CCDC73: variants seen among roughly 807,000 people sequenced by gnomAD.
CCDC73 encodes the protein coiled-coil domain containing 73.
Under a neutral mutation model 116.5 loss-of-function variants are expected in CCDC73, and 95 were observed. The ratio of observed to expected loss-of-function variants is 0.82; its 90% confidence interval spans 0.69 to 0.97. The LOEUF is 0.97. Among genes scored for constraint, CCDC73 ranks in the 50% least tolerant of loss-of-function variants. The pLI, the probability that CCDC73 is intolerant of heterozygous loss-of-function variation, is 0.00. For missense variants in CCDC73, 1,066 were observed against 1,206.8 expected (o/e 0.88, Z 1.73); for synonymous variants, 398 against 401.3 (o/e 0.99, Z 0.10).
chr11:32,816,257 A>C, the CCDC73 span, among the ~76,000 whole-genome samples: 1 of 152,212 alleles, frequency 6.6e-6, no homozygotes, highest in South Asian at 2.1e-4. Context: ...AGTTGTCAGC[A>C]CATTAGTCAT....
chr11:32,817,012 T>C, the CCDC73 span, among the ~76,000 whole-genome samples: 3 of 152,320 alleles, frequency 2.0e-5, no homozygotes, highest in South Asian at 6.2e-4. Context: ...CTCAAACTCC[T>C]GACCTCAAGT....
intron 1 of CCDC73, among the ~76,000 whole-genome samples, chr11:32,772,229 T>C (rs1363611995): frequency 6.6e-6 from 1 of 152,230 alleles, no homozygotes. Context: ...GTCTCTTTTC[T>C]CCAAGTTCCT....
intron 15 of CCDC73, among the ~76,000 whole-genome samples, chr11:32,615,605 C>T (rs1855466622): frequency 6.6e-6 from 1 of 152,152 alleles, no homozygotes; most frequent in Admixed American, 6.6e-5. Context: ...ATTCTCTCTA[C>T]AACATCTCCA....
intron 1 of CCDC73, among the ~76,000 whole-genome samples, chr11:32,790,777 A>C (rs1407404512): frequency 6.6e-6 from 1 of 152,148 alleles, no homozygotes; most frequent in Non-Finnish European, 1.5e-5. Context: ...TTATCTCCGT[A>C]AAGATCATTA....
chr11:32,719,102 A>G (rs2133333270), intron 2 of CCDC73, among the ~76,000 whole-genome samples: 1 of 152,316 alleles, frequency 6.6e-6, no homozygotes, highest in South Asian at 2.1e-4. Context: ...CAAAGAAAAG[A>G]CCCAAAGACA....
chr11:32,737,414 A>T (rs909394081), intron 2 of CCDC73, among the ~76,000 whole-genome samples: 2 of 152,090 alleles, frequency 1.3e-5, no homozygotes, highest in Non-Finnish European at 2.9e-5. Flanking sequence ...CCAGGTCAAG[A>T]CCAGCCTGGC....
chr11:32,605,247 T>C (rs1313389687), intron 17 of CCDC73: 1 of 151,720 alleles, frequency 6.6e-6, no homozygotes, highest in Non-Finnish European at 1.5e-5. Context: ...TGGATTGCTC[T>C]GTTTGGCTCC....
At chr11:32,740,391 G>C (rs1484035778) in intron 2 of CCDC73, among the ~76,000 whole-genome samples, 1 of 151,928 alleles carries the variant, frequency 6.6e-6, no homozygotes, top group Non-Finnish European at 1.5e-5. Context: ...GGTCTCTTCA[G>C]GTTTTGGATT....
At position 32,743,812 on chromosome 11, in the gene CCDC73, G is replaced by T. The variant is rs888221539; in HGVS notation, c.135+16297C>A. Among the ~76,000 whole-genome samples the T allele has an allele frequency of 2.6e-5, 4 of 152,304 alleles. No individual in the cohort carries two copies. In the East Asian group the frequency reaches 7.7e-4, roughly 29 times the overall value. On this transcript the variant is annotated intron_variant, in intron 2 of 17. Transcript: ENST00000335185. Reference sequence around the variant, plus strand: ...TCAGCTTAAGGAGATTTGGGGCTGAGATGATGGGGTTTTCTAAATATACAA... The same window carrying T: ...TCAGCTTAAGGAGATTTGGGGCTGATATGATGGGGTTTTCTAAATATACAA...
chr11:32,675,073 G>C (rs926407582), intron 9 of CCDC73, among the ~76,000 whole-genome samples: 1 of 152,036 alleles, frequency 6.6e-6, no homozygotes, highest in Non-Finnish European at 1.5e-5. Flanking sequence ...AAAGTCACCT[G>C]TGATGTCATC....
chr11:32,681,183 C>G (rs1856139488), intron 7 of CCDC73: 1 of 151,822 alleles, frequency 6.6e-6, no homozygotes. Context: ...AAGAGAAAAA[C>G]AATACGACAA....
intron 9 of CCDC73, among the ~76,000 whole-genome samples, chr11:32,670,521 CAA>C (rs11334231): frequency 0.056 from 7,735 of 138,546 alleles, 183 homozygotes; most frequent in Middle Eastern, 0.067. Context: ...GGCTCTGTCT[CAA>C]AAAAAAAAAA....
chr11:32,827,034 T>G, the CCDC73 span, among the ~76,000 whole-genome samples: 1 of 152,022 alleles, frequency 6.6e-6, no homozygotes, highest in African/African-American at 2.4e-5. Context: ...GCTAATTTTT[T>G]TTTGTATTTT....
At chr11:32,643,970 T>C (rs1425750487) in intron 12 of CCDC73, among the ~76,000 whole-genome samples, 3 of 152,142 alleles carry the variant, frequency 2.0e-5, no homozygotes, top group Non-Finnish European at 4.4e-5. Flanking sequence ...TATATCCTTA[T>C]TCTATAAGCT....
At chr11:32,634,634 A>G (rs192769231) in intron 14 of CCDC73, among the ~76,000 whole-genome samples, 3 of 152,346 alleles carry the variant, frequency 2.0e-5, no homozygotes, top group Non-Finnish European at 2.9e-5. Context: ...TTGTTATTCA[A>G]CATTAGATTA....
chr11:32,735,584 C>T (rs963930552), intron 2 of CCDC73, among the ~76,000 whole-genome samples: 1 of 152,116 alleles, frequency 6.6e-6, no homozygotes, highest in African/African-American at 2.4e-5. Context: ...GCCATACTGC[C>T]CAAGGTAATT....
intron 9 of CCDC73, among the ~76,000 whole-genome samples, chr11:32,665,974 T>G (rs1384887369): frequency 6.6e-6 from 1 of 152,238 alleles, no homozygotes; most frequent in African/African-American, 2.4e-5. Flanking sequence ...TTTAAGAATG[T>G]TGAATATATG....
the CCDC73 span, among the ~76,000 whole-genome samples, chr11:32,817,913 T>C: frequency 6.6e-6 from 1 of 152,242 alleles, no homozygotes; most frequent in Non-Finnish European, 1.5e-5. Flanking sequence ...ATGGCAGATA[T>C]TGTTAATTAA....
chr11:32,633,415 G>C (rs886895964), intron 14 of CCDC73, among the ~76,000 whole-genome samples: 1 of 152,104 alleles, frequency 6.6e-6, no homozygotes, highest in African/African-American at 2.4e-5. Context: ...CAAGTTCTTT[G>C]AAAGATAAAA....
Sources: allele counts gnomAD v4.1 joint callset (sites outside exome capture counted in the v4.1 genomes callset), GRCh38; gene constraint gnomAD v4.1.1; transcripts MANE v1.5; gene names NCBI Gene and HGNC (gene_info 2026-07-23, HGNC 2026-07-21).